RBFOX3: variants seen among roughly 807,000 people sequenced by gnomAD.
The protein encoded by RBFOX3 is RNA binding fox-1 homolog 3.
In RBFOX3, 17 loss-of-function variants were observed where a neutral mutation model predicts 48.7. The ratio of observed to expected loss-of-function variants is 0.35; its 90% CI spans 0.24 to 0.52. The LOEUF is 0.52. Ranked by LOEUF, RBFOX3 falls within the 20% of genes least tolerant of loss-of-function variation. The pLI is 0.94. For synonymous variants in RBFOX3, 212 were observed against 209.5 expected (o/e 1.01, Z -0.10); for missense variants, 382 against 497.5 (o/e 0.77, Z 2.21).
At chr17:79,234,894 C>T (rs1188085085) in intron 4 of RBFOX3, 1 of 151,800 alleles carries the variant, frequency 6.6e-6, no homozygotes, top group Admixed American at 6.6e-5. Context: ...CCATGCCCGG[C>T]TAATTTTTGT....
intron 1 of RBFOX3, among the ~76,000 whole-genome samples, chr17:79,499,737 G>C (rs1257920577): frequency 6.6e-6 from 1 of 152,224 alleles, no homozygotes; most frequent in African/African-American, 2.4e-5. Flanking sequence ...ATAAGAAACA[G>C]ATGAGACCGT....
chr17:79,329,395 C>G (rs1321545691), intron 2 of RBFOX3, among the ~76,000 whole-genome samples: 1 of 152,134 alleles, frequency 6.6e-6, no homozygotes, highest in East Asian at 1.9e-4. Flanking sequence ...TGCCGGTGAT[C>G]CTGTGCACCC....
intron 3 of RBFOX3, among the ~76,000 whole-genome samples, chr17:79,302,304 T>C (rs972018484): frequency 6.6e-6 from 1 of 152,138 alleles, no homozygotes; most frequent in Admixed American, 6.6e-5. Context: ...AGAAGTTAAG[T>C]ACACGATCCA....
At chr17:79,278,355 A>G (rs1369842919) in intron 3 of RBFOX3, among the ~76,000 whole-genome samples, 1 of 152,102 alleles carries the variant, frequency 6.6e-6, no homozygotes, top group African/African-American at 2.4e-5. Context: ...CAGAAGAGGG[A>G]CCCCGATGCC....
At chr17:79,645,239 C>A in the RBFOX3 span, among the ~76,000 whole-genome samples, 1 of 152,176 alleles carries the variant, frequency 6.6e-6, no homozygotes, top group African/African-American at 2.4e-5. Flanking sequence ...TGTCCCTCCT[C>A]TGCTCAGAAC....
intron 4 of RBFOX3, among the ~76,000 whole-genome samples, chr17:79,171,579 T>C (rs2049291934): frequency 6.6e-6 from 1 of 152,210 alleles, no homozygotes; most frequent in South Asian, 2.1e-4. Context: ...ACTAGATCTC[T>C]GGTTTCCAGA....
chr17:79,449,622 A>ACACACACACACACACACACACACAC (rs2073068655), intron 2 of RBFOX3, among the ~76,000 whole-genome samples: 4 of 144,494 alleles, frequency 2.8e-5, no homozygotes, highest in African/African-American at 2.6e-5. Flanking sequence ...TGCACACATA[A>ACACACACACACACACACACACACAC]ACACACACAC....
chr17:79,420,137 ACACACACAC>A (rs1555721411), intron 2 of RBFOX3, among the ~76,000 whole-genome samples: 3 of 69,624 alleles, frequency 4.3e-5, no homozygotes, highest in African/African-American at 1.5e-4. Flanking sequence ...ATACACACAC[ACACACACAC>A]ACACACACAC....
At chr17:79,524,156 A>G (rs2086492986) in intron 1 of RBFOX3, among the ~76,000 whole-genome samples, 1 of 152,220 alleles carries the variant, frequency 6.6e-6, no homozygotes, top group South Asian at 2.1e-4. Context: ...ATCACAGAGC[A>G]TTCTGAAAAT....
chr17:79,127,146 C>T (rs983146021), intron 4 of RBFOX3, among the ~76,000 whole-genome samples: 1 of 152,212 alleles, frequency 6.6e-6, no homozygotes, highest in Non-Finnish European at 1.5e-5. Flanking sequence ...GAATCCGGGC[C>T]AGCCTTCCAA....
intron 2 of RBFOX3, among the ~76,000 whole-genome samples, chr17:79,444,127 A>G (rs1442630068): frequency 2.6e-5 from 4 of 152,174 alleles, no homozygotes; most frequent in African/African-American, 9.7e-5. Flanking sequence ...TGTGGGAAGG[A>G]TACATTGAGA....
At chr17:79,365,148 C>G (rs1311455150) in intron 2 of RBFOX3, among the ~76,000 whole-genome samples, 1 of 152,130 alleles carries the variant, frequency 6.6e-6, no homozygotes, top group Non-Finnish European at 1.5e-5. Context: ...CACACACACT[C>G]TCTCATGCAC....
chr17:79,328,541 C>A (rs2079696834), intron 2 of RBFOX3, among the ~76,000 whole-genome samples: 1 of 152,156 alleles, frequency 6.6e-6, no homozygotes, highest in African/African-American at 2.4e-5. Context: ...CCACCCATGA[C>A]CCGTGGCCAC....
rs1293677817 is a variant in RBFOX3 at position 79,418,387 on chromosome 17, C to A, written c.-175+64067G>T. On this transcript the variant is annotated intron_variant, in intron 2 of 14. Transcript: ENST00000693108. This position sits in a 1 kb window ranked among gnomAD's most constrained non-coding sequence, Gnocchi z 5.0. Reference sequence around the variant, plus strand: ...TTCTTCCTACAGCAAAAGAAAGGTACCTGCCCCCAATTTTCCCTCCACTAG... The same window carrying A: ...TTCTTCCTACAGCAAAAGAAAGGTAACTGCCCCCAATTTTCCCTCCACTAG... Among the ~76,000 whole-genome samples, 1 of 152,136 alleles carries A rather than the reference C, an allele frequency of 6.6e-6. No individual in the cohort carries two copies. The highest frequency in any genetic ancestry group is 2.4e-5 in the African/African-American group (1 of 41,426).
intron 1 of RBFOX3, among the ~76,000 whole-genome samples, chr17:79,586,536 C>T (rs2093256197): frequency 6.6e-6 from 1 of 152,250 alleles, no homozygotes; most frequent in Admixed American, 6.5e-5. Context: ...CCCCTTCCCC[C>T]AGGCATGAGG....
At chr17:79,411,645 G>A (rs2064360212) in intron 2 of RBFOX3, among the ~76,000 whole-genome samples, 1 of 152,238 alleles carries the variant, frequency 6.6e-6, no homozygotes, top group South Asian at 2.1e-4. Flanking sequence ...GGTGAGGCAG[G>A]ACCAGAGCCT....
chr17:79,479,887 G>A lies in RBFOX3; in HGVS notation c.-175+2567C>T, dbSNP rs1436034108. On this transcript the variant is annotated intron_variant, in intron 2 of 14. Transcript: ENST00000693108. The surrounding 1 kb of genome is among the most constrained non-coding windows in gnomAD (Gnocchi z 5.1). Reference sequence around the variant, plus strand: ...CCCTCCCCTAGGGACAGAGCTGCACGCATCTTCTTGGAACTAGGCGTCTGA... The same window carrying A: ...CCCTCCCCTAGGGACAGAGCTGCACACATCTTCTTGGAACTAGGCGTCTGA... Among the ~76,000 whole-genome samples, 2 of 152,182 alleles carry A rather than the reference G, an allele frequency of 1.3e-5. No homozygotes were observed. Among genetic ancestry groups the A allele is most frequent in the African/African-American group, 4.8e-5 (2 of 41,436 alleles).
intron 4 of RBFOX3, among the ~76,000 whole-genome samples, chr17:79,135,401 A>C (rs1031719299): frequency 2.6e-5 from 4 of 152,162 alleles, no homozygotes; most frequent in African/African-American, 7.2e-5. Flanking sequence ...CCAGCAGGAC[A>C]CACCTGCCCT....
chr17:79,111,496 C>T lies in RBFOX3; in HGVS notation c.222+3998G>A, dbSNP rs940476180. ...TGTCGCCCAGGCTGGAGTGCAGCGGCGTGATCTCAGCTCACTGCAACCTCC... is the reference window on the plus strand; with the variant it reads ...TGTCGCCCAGGCTGGAGTGCAGCGGTGTGATCTCAGCTCACTGCAACCTCC... On this transcript the variant is annotated intron_variant, in intron 5 of 14. Coordinates refer to ENST00000693108, the MANE Select transcript of RBFOX3 (RefSeq NM_001350451.2). This position sits in a 1 kb window ranked among gnomAD's most constrained non-coding sequence, Gnocchi z 4.2. Among the ~76,000 whole-genome samples, 3 of 152,198 alleles carry T rather than the reference C, an allele frequency of 2.0e-5. No homozygotes were observed. The highest frequency in any genetic ancestry group is 2.1e-4 in the South Asian group (1 of 4,836).
Sources: gnomAD v4.1 joint callset for allele counts (sites outside exome capture counted in the v4.1 genomes callset) on GRCh38, gnomAD v4.1.1 for gene constraint, Gnocchi (gnomAD v3.1) non-coding constraint, MANE v1.5 for transcripts, NCBI Gene and HGNC (gene_info 2026-07-23, HGNC 2026-07-21) for gene names.